The following GATA2 variants were observed in gnomAD, a reference collection of about 807,000 sequenced individuals.
GATA2 encodes GATA binding protein 2, also known as endothelial transcription factor GATA-2.
A neutral mutation model predicts 35.7 loss-of-function variants in GATA2; 6 were observed. That is an observed-to-expected ratio of 0.17 (90% CI 0.09 to 0.33). GATA2 has a LOEUF of 0.33. Ranked by LOEUF, GATA2 falls within the 10% of genes least tolerant of loss-of-function variation. The probability of loss-of-function intolerance (pLI) is 1.00; values close to 1 mark genes in which losing one functional copy is unlikely to be tolerated. For missense variants in GATA2, 541 were observed against 656.6 expected, an observed-to-expected ratio of 0.82 and a Z score of 1.92; for synonymous variants, 313 against 274.9, an observed-to-expected ratio of 1.14 and a Z score of -1.37.
rs557821510 is a variant in GATA2, at chr3:128,481,385, A to G, written c.1144-67T>C. ...CCAGCAACATTCCTCCCACCCCGCC[A>G]CAGCGTGGACCAGAGGCAGGTCAAG... is the stretch of plus-strand genomic sequence containing the variant. On this transcript the variant is annotated intron_variant, in intron 5 of 5. Coordinates refer to ENST00000341105, the MANE Select transcript of GATA2 (RefSeq NM_032638.5). 1.9e-5 allele frequency: 30 copies of G among 1,557,140 alleles called. No individual in the cohort carries two copies. The South Asian group carries it at 2.8e-4, about 14-fold the overall frequency.
At chr3:128,485,492 G>A (rs1367479771) in intron 3 of GATA2, among the ~76,000 whole-genome samples, 1 of 152,158 alleles carries the variant, frequency 6.6e-6, no homozygotes, top group Non-Finnish European at 1.5e-5. Flanking sequence ...CAACCCTGGG[G>A]CAAGGAACTG....
In GATA2 at chr3:128,491,007, G is replaced by A. The variant is rs577759691; in HGVS notation, c.-46+1892C>T. On this transcript the variant is annotated intron_variant, in intron 1 of 5. Coordinates refer to ENST00000341105, the MANE Select transcript of GATA2 (RefSeq NM_032638.5). ...TTTCTCTGAGGACTGGAGAAGGTCA[G>A]CCAGGAAGCAGAATTTTCGAAGGAC... Among the ~76,000 whole-genome samples the A allele has an allele frequency of 2.2e-4, 34 of 152,326 alleles. 1 individual carries two copies. In the South Asian group the frequency reaches 5.0e-3, roughly 22 times the overall value.
Position 128,486,247 on chromosome 3 carries a change from G to A in GATA2, c.351C>T (p.Thr117=). 1 of 1,565,734 alleles carries A rather than the reference G, an allele frequency of 6.4e-7. No homozygotes were observed. Among genetic ancestry groups the A allele is most frequent in the Non-Finnish European group, 8.7e-7 (1 of 1,155,504 alleles). ...AAAAHHHNPW[T]VSPFSKTPLH... ...GTGGCGTCTTGGAGAAGGGGCTCACGGTCCAGGGGTTGTGGTGGTGGGCCG... is the reference window on the plus strand; with the variant it reads ...GTGGCGTCTTGGAGAAGGGGCTCACAGTCCAGGGGTTGTGGTGGTGGGCCG... The change falls in exon 3 of 6, where the codon ACC becomes ACT. Residue 117 remains threonine (T), a synonymous_variant. Coordinates refer to ENST00000341105, the MANE Select transcript of GATA2 (RefSeq NM_032638.5).
chr3:128,482,378 A>G (rs1559985384), intron 4 of GATA2, among the ~76,000 whole-genome samples: 1 of 152,170 alleles, frequency 6.6e-6, no homozygotes, highest in African/African-American at 2.4e-5. Context: ...CTCAAAATCC[A>G]TAATCCTGGG....
chr3:128,481,264 T>A lies in GATA2; in HGVS notation c.1198A>T (p.Met400Leu), dbSNP rs2068624795. 6.2e-7 allele frequency: 1 copy of A among 1,614,220 alleles called. No individual in the cohort carries two copies. The highest frequency in any genetic ancestry group is 2.2e-5 in the East Asian group (1 of 44,884). ...TTGCTCTTCTTGGACTTGTTGGACA[T>A]CTTCCGGTTCCGAGTCTGGATCCCT... is the stretch of plus-strand genomic sequence containing the variant. ...KEGIQTRNRK[M>L]SNKSKKSKKG... The change falls in exon 6 of 6, where the codon ATG (methionine) becomes TTG (leucine). Residue 400 changes from methionine (M) to leucine (L), a missense_variant. Coordinates refer to ENST00000341105, the MANE Select transcript of GATA2 (RefSeq NM_032638.5).
chr3:128,486,018 C>A lies in GATA2; in HGVS notation c.580G>T (p.Ala194Ser), dbSNP rs1443381574. Residue 194 changes from alanine (A) to serine (S), a missense_variant, in exon 3 of 6, where the codon GCC (alanine) becomes TCC (serine). By Grantham distance (99) the Ala-to-Ser change is moderately conservative. Around this residue, in one of 5 missense-constraint regions of GATA2, gnomAD observed 389 missense variants for 396.9 expected, o/e 0.98. Transcript: ENST00000341105. Reference protein sequence around the residue: ...DPSTTGAASPASSSAGGSAAR... With the variant: ...DPSTTGAASPSSSSAGGSAAR... ...GCACTACCCCCCGCGGAAGATGAGG[C>A]TGGAGACGCAGCCCCCGTGGTGCTA... is the stretch of plus-strand genomic sequence containing the variant. The A allele has an allele frequency of 6.2e-7, 1 of 1,614,004 alleles. No individual in the cohort carries two copies. Among genetic ancestry groups the A allele is most frequent in the Non-Finnish European group, 8.5e-7 (1 of 1,180,016 alleles).
chr3:128,491,208 GCC>G (rs373070119), intron 1 of GATA2, among the ~76,000 whole-genome samples: 63,260 of 107,418 alleles, frequency 0.59, 18,905 homozygotes, highest in East Asian at 0.72. Context: ...CGGCCGTCCA[GCC>G]CCCCCCCCCC....
At chr3:128,481,439 G>A in intron 5 of GATA2, 121 bp from the exon 6 acceptor site, 1 of 1,123,268 alleles carries the variant, frequency 8.9e-7, no homozygotes, top group Non-Finnish European at 1.3e-6. Context: ...CAGGAATTGT[G>A]CCCGACCTTC....
rs376950280 is a variant in GATA2 at position 128,488,891 on chromosome 3, G to A, written c.-45-1815C>T. Among the ~76,000 whole-genome samples the A allele has an allele frequency of 1.7e-4, 26 of 152,198 alleles. No individual in the cohort carries two copies. The highest frequency in any genetic ancestry group is 7.8e-4 in the East Asian group (4 of 5,142). On this transcript the variant is annotated intron_variant, in intron 1 of 5. Coordinates refer to ENST00000341105, the MANE Select transcript of GATA2 (RefSeq NM_032638.5). This position sits in a 1 kb window ranked among gnomAD's most constrained non-coding sequence, Gnocchi z 5.8. ...AGACTGGGGAGACGGAGGCTCGAAG[G>A]GAGCCCCGGGCCGAGGAGGGAGGTC... is the stretch of plus-strand genomic sequence containing the variant.
chr3:128,485,225 G>C (rs149904377), intron 3 of GATA2, among the ~76,000 whole-genome samples: 83 of 152,294 alleles, frequency 5.4e-4, no homozygotes, highest in African/African-American at 1.8e-3. Context: ...GGGAGCCATC[G>C]AAATCCCAAG....
rs1297266692 is a variant in GATA2, at chr3:128,480,043, T to C, written c.*976A>G. 4.3e-6 allele frequency: 1 copy of C among 232,856 alleles called. No homozygotes were observed. Among genetic ancestry groups the C allele is most frequent in the Non-Finnish European group, 8.5e-6 (1 of 117,898 alleles). 14.4% of individuals were successfully genotyped at this position (232,856 alleles called of 1,614,324 possible). A position where few individuals can be genotyped will look rare whatever the true frequency, so the allele number is the denominator to read the frequency against. On this transcript the variant is annotated 3_prime_UTR_variant, in exon 6 of 6. Coordinates refer to ENST00000341105, the MANE Select transcript of GATA2 (RefSeq NM_032638.5). ...AAAAAGAATTGCAAAGCTCCAACCT[T>C]GTGTGTAGGTTTTATTCCTTTCATA... is the stretch of plus-strand genomic sequence containing the variant.
At position 128,484,014 on chromosome 3, in the gene GATA2, G is replaced by A; in HGVS notation, c.872-9C>T. 6.2e-7 allele frequency: 1 copy of A among 1,612,104 alleles called. No individual in the cohort carries two copies. The highest frequency in any genetic ancestry group is 8.5e-7 in the Non-Finnish European group (1 of 1,179,472). On this transcript the variant is annotated splice_polypyrimidine_tract_variant and intron_variant, in intron 3 of 5. Transcript: ENST00000341105. Reference sequence around the variant, plus strand: ...GACACACTCCCGGCCTTCTGCAGGGGAACAGGGAGAGACACGGGGGCCTGC... The same window carrying A: ...GACACACTCCCGGCCTTCTGCAGGGAAACAGGGAGAGACACGGGGGCCTGC...
intron 1 of GATA2, chr3:128,490,727 C>T (rs7620408): frequency 0.18 from 27,345 of 152,216 alleles, 2,670 homozygotes; most frequent in East Asian, 0.38. Context: ...GTCCTCCCAC[C>T]TTGGGCCCCA....
At chr3:128,487,300 C>T (rs573468738) in intron 1 of GATA2, among the ~76,000 whole-genome samples, 2 of 152,344 alleles carry the variant, frequency 1.3e-5, no homozygotes, top group East Asian at 3.9e-4. Flanking sequence ...AATCACACAC[C>T]CGTGCACATG....
intron 2 of GATA2, 104 bp downstream of exon 2, chr3:128,486,699 T>C (rs1247484177): frequency 8.4e-7 from 1 of 1,185,838 alleles, no homozygotes; most frequent in African/African-American, 1.5e-5. Flanking sequence ...AGCAGCTCGA[T>C]TCCTGCGGAT....
Position 128,486,111 on chromosome 3 carries a change from C to T in GATA2, c.487G>A (p.Ala163Thr), listed in dbSNP as rs897072411. The T allele has an allele frequency of 6.2e-7, 1 of 1,612,658 alleles. No individual in the cohort carries two copies. The highest frequency in any genetic ancestry group is 1.3e-5 in the African/African-American group (1 of 74,884). Residue 163 changes from alanine (A) to threonine (T), a missense_variant, in exon 3 of 6, where the codon GCA (alanine) becomes ACA (threonine). By Grantham distance (58) the Ala-to-Thr change is moderately conservative. This residue lies in a region of GATA2 where 389 missense variants were observed against 396.9 expected (regional missense o/e 0.98). Coordinates refer to ENST00000341105, the MANE Select transcript of GATA2 (RefSeq NM_032638.5). ...GSSVASLTPT[A>T]AHSGSHLFGF... is the part of the protein sequence containing the mutation. ...AAAAGGTGGGAGCCAGAGTGGGCTG[C>T]TGTAGGGGTGAGGGAGGCCACTGAG... is the stretch of plus-strand genomic sequence containing the variant.
At chr3:128,486,478 C>T (rs1283013148) in intron 2 of GATA2, 110 bp from the exon 3 acceptor site, 4 of 1,357,978 alleles carry the variant, frequency 2.9e-6, no homozygotes, top group Middle Eastern at 2.5e-4. Flanking sequence ...CAGCAGTCAT[C>T]CCCTCCCCAA....
rs376950280 is a variant in GATA2 at position 128,488,891 on chromosome 3, G to C, written c.-45-1815C>G. Among the ~76,000 whole-genome samples, 1 of 152,080 alleles carries C rather than the reference G, an allele frequency of 6.6e-6. No individual in the cohort carries two copies. Among genetic ancestry groups the C allele is most frequent in the Non-Finnish European group, 1.5e-5 (1 of 67,994 alleles). ...AGACTGGGGAGACGGAGGCTCGAAG[G>C]GAGCCCCGGGCCGAGGAGGGAGGTC... is the stretch of plus-strand genomic sequence containing the variant. On this transcript the variant is annotated intron_variant, in intron 1 of 5. Transcript: ENST00000341105. The surrounding 1 kb of genome is among the most constrained non-coding windows in gnomAD (Gnocchi z 5.8).
chr3:128,493,158 C>A lies in GATA2; in HGVS notation c.-305G>T, dbSNP rs2068798700. 6.6e-6 allele frequency: 1 copy of A among 152,172 alleles called. No individual in the cohort carries two copies. Among genetic ancestry groups the A allele is most frequent in the African/African-American group, 2.4e-5 (1 of 41,450 alleles). The allele number at this position is 152,172 out of a possible 1,614,324, so 9.4% of individuals were successfully genotyped here. On this transcript the variant is annotated 5_prime_UTR_variant, in exon 1 of 6. Coordinates refer to ENST00000341105, the MANE Select transcript of GATA2 (RefSeq NM_032638.5). ...ACTTGAGCAGCGAGTCCCGGGGCGA[C>A]GCTGGCCTCGCTACCTTCCTGGCGC...
Sources: gnomAD v4.1 joint callset for allele counts (sites outside exome capture counted in the v4.1 genomes callset) on GRCh38, gnomAD v4.1.1 for gene constraint, gnomAD v4.1.1 regional missense constraint, Gnocchi (gnomAD v3.1) non-coding constraint, MANE v1.5 for transcripts, NCBI Gene and HGNC (gene_info 2026-07-23, HGNC 2026-07-21) for gene names.